PCDH7: variants seen among roughly 807,000 people sequenced by gnomAD.
PCDH7 encodes the protein protocadherin 7.
In PCDH7, 17 loss-of-function variants were observed where a neutral mutation model predicts 58.9. That is an observed-to-expected ratio of 0.29 (90% confidence interval 0.20 to 0.43). The LOEUF is 0.43. PCDH7 is among the 20% of genes least tolerant of loss of function. The pLI is 1.00. For synonymous variants in PCDH7, 664 were observed against 616.4 expected (o/e 1.08, Z -1.14); for missense variants, 1,274 against 1,441.0 (o/e 0.88, Z 1.88).
At chr4:30,840,029 AGTGT>A (rs10687813) in intron 1 of PCDH7, among the ~76,000 whole-genome samples, 1,815 of 148,612 alleles carry the variant, frequency 0.012, 12 homozygotes, top group Non-Finnish European at 0.018. Context: ...AATGATGATG[AGTGT>A]GTGTGTGTGT....
chr4:31,030,945 A>G (rs998806490), intron 3 of PCDH7, among the ~76,000 whole-genome samples: 3 of 152,152 alleles, frequency 2.0e-5, no homozygotes, highest in Non-Finnish European at 2.9e-5. Context: ...TTTTCCCAAG[A>G]AAGCTCTCTT....
In PCDH7 at chr4:31,021,384, G is replaced by A. The variant is rs564392432; in HGVS notation, c.*7+71169G>A. Among the ~76,000 whole-genome samples, 52 of 152,130 alleles carry A rather than the reference G, an allele frequency of 3.4e-4. No individual in the cohort carries two copies. The East Asian group carries it at 9.3e-3, about 27-fold the overall frequency. On this transcript the variant is annotated intron_variant, in intron 3 of 3. Coordinates refer to the PCDH7 transcript ENST00000509759. ...AGACCTTCTATGGAGGAATTGTCTC[G>A]ACCAACATGGGCTAGAAAGAAACTA... is the stretch of plus-strand genomic sequence containing the variant.
chr4:30,745,132 A>T (rs1717601633), intron 1 of PCDH7, among the ~76,000 whole-genome samples: 1 of 152,162 alleles, frequency 6.6e-6, no homozygotes, highest in Non-Finnish European at 1.5e-5. Flanking sequence ...AATCATGGAA[A>T]CATTTCTGGA....
chr4:30,749,011 A>G (rs1405964141), intron 1 of PCDH7, among the ~76,000 whole-genome samples: 2 of 152,152 alleles, frequency 1.3e-5, no homozygotes, highest in Admixed American at 1.3e-4. Context: ...CATATTAACC[A>G]TTATTATACT....
intron 2 of PCDH7, among the ~76,000 whole-genome samples, chr4:30,941,342 A>T (rs2109436527): frequency 1.3e-5 from 2 of 152,130 alleles, no homozygotes; most frequent in East Asian, 3.9e-4. Flanking sequence ...TACGAGGGAA[A>T]TCATCCATTT....
At chr4:31,046,986 G>T (rs1195997843) in intron 3 of PCDH7, among the ~76,000 whole-genome samples, 4 of 151,980 alleles carry the variant, frequency 2.6e-5, no homozygotes. Context: ...CACAGTTGCT[G>T]CTATACCATT....
intron 2 of PCDH7, among the ~76,000 whole-genome samples, chr4:30,940,164 T>C (rs1406814739): frequency 6.6e-6 from 1 of 151,996 alleles, no homozygotes; most frequent in East Asian, 1.9e-4. Flanking sequence ...TATTGAAATA[T>C]GTTTAGCCTC....
chr4:30,914,812 A>G (rs1254590554), intron 1 of PCDH7, among the ~76,000 whole-genome samples: 1 of 152,156 alleles, frequency 6.6e-6, no homozygotes, highest in Admixed American at 6.5e-5. Flanking sequence ...TATTGTCTCC[A>G]TTATACATAC....
intron 2 of PCDH7, among the ~76,000 whole-genome samples, chr4:30,943,360 C>CTT (rs1451313116): frequency 6.6e-6 from 1 of 152,122 alleles, no homozygotes; most frequent in African/African-American, 2.4e-5. Context: ...TTTCATCTCA[C>CTT]TTAATTCTCA....
intron 2 of PCDH7, among the ~76,000 whole-genome samples, chr4:30,938,543 C>T (rs1019190474): frequency 6.6e-5 from 10 of 151,772 alleles, no homozygotes; most frequent in Non-Finnish European, 1.0e-4. Flanking sequence ...TAGGCTAGGC[C>T]AAGCAGGTTT....
chr4:30,824,160 T>G (rs546615702), intron 1 of PCDH7, among the ~76,000 whole-genome samples: 7 of 144,536 alleles, frequency 4.8e-5, no homozygotes, highest in South Asian at 2.3e-4. Flanking sequence ...TCTTTCTTTC[T>G]TTTTGCTTCC....
At chr4:31,013,416 G>A (rs1045070670) in intron 3 of PCDH7, among the ~76,000 whole-genome samples, 6 of 148,614 alleles carry the variant, frequency 4.0e-5, no homozygotes, top group Admixed American at 6.8e-5. Context: ...TTATATACAC[G>A]TATATATATA....
chr4:30,788,057 C>G (rs1264738650), intron 1 of PCDH7, among the ~76,000 whole-genome samples: 1 of 152,052 alleles, frequency 6.6e-6, no homozygotes, highest in African/African-American at 2.4e-5. Context: ...TCTGCAGACA[C>G]TTGGAAACTC....
rs1456669616 is a variant in PCDH7 at position 31,021,390 on chromosome 4, C to A, written c.*7+71175C>A. 4.6e-5 allele frequency among the ~76,000 whole-genome samples: 7 copies of A among 152,296 alleles called. No individual in the cohort carries two copies. The South Asian group carries it at 1.5e-3, about 32-fold the overall frequency. The stretch of plus-strand genomic sequence containing the variant: ...TCTATGGAGGAATTGTCTCGACCAA[C>A]ATGGGCTAGAAAGAAACTAATCAAA... On this transcript the variant is annotated intron_variant, in intron 3 of 3. Transcript: ENST00000509759.
chr4:31,010,703 T>C (rs1361244698), intron 3 of PCDH7, among the ~76,000 whole-genome samples: 3 of 151,932 alleles, frequency 2.0e-5, no homozygotes. Context: ...TTTTCAACTC[T>C]TGTCACATGC....
chr4:30,749,232 T>C (rs1297963352), intron 1 of PCDH7, among the ~76,000 whole-genome samples: 1 of 152,208 alleles, frequency 6.6e-6, no homozygotes, highest in African/African-American at 2.4e-5. Flanking sequence ...TCTCATCAAT[T>C]AATGCCCCCT....
intron 1 of PCDH7, among the ~76,000 whole-genome samples, chr4:30,812,776 A>C (rs908030910): frequency 1.3e-5 from 2 of 152,198 alleles, no homozygotes; most frequent in Non-Finnish European, 2.9e-5. Flanking sequence ...TTTTGAGTGA[A>C]TAACATTAAG....
At chr4:31,016,514 G>A (rs960103775) in intron 3 of PCDH7, among the ~76,000 whole-genome samples, 19 of 151,860 alleles carry the variant, frequency 1.3e-4, no homozygotes, top group Non-Finnish European at 2.8e-4. Flanking sequence ...ACTCCAGGGG[G>A]CACCACTTAC....
At chr4:30,975,728 C>G (rs146493892) in intron 3 of PCDH7, among the ~76,000 whole-genome samples, 9 of 152,160 alleles carry the variant, frequency 5.9e-5, no homozygotes, top group Admixed American at 3.9e-4. Context: ...AAATAAATGC[C>G]CTTGGTCCTG....
Sources: gnomAD v4.1 joint callset for allele counts (sites outside exome capture counted in the v4.1 genomes callset) on GRCh38, gnomAD v4.1.1 for gene constraint, MANE v1.5 for transcripts, NCBI Gene and HGNC (gene_info 2026-07-23, HGNC 2026-07-21) for gene names.